The following LSS variants were observed in gnomAD, a reference collection of about 807,000 sequenced individuals.
LSS encodes lanosterol synthase.
In LSS, 90 loss-of-function variants were observed where a neutral mutation model predicts 110.3. The ratio of observed to expected loss-of-function variants is 0.82; its 90% CI spans 0.69 to 0.97. LSS has a LOEUF of 0.97. Among genes scored for constraint, LSS ranks in the 50% least tolerant of loss-of-function variants. The pLI, the probability that LSS is intolerant of heterozygous loss-of-function variation, is 0.00. For synonymous variants in LSS, 433 were observed against 400.0 expected (o/e 1.08, Z -0.98); for missense variants, 927 against 990.0 (o/e 0.94, Z 0.85).
intron 17 of LSS, among the ~76,000 whole-genome samples, chr21:46,196,614 TAGAG>T (rs1291332281): frequency 6.6e-6 from 1 of 151,942 alleles, no homozygotes; most frequent in African/African-American, 2.4e-5. Context: ...AAAAATCAAT[TAGAG>T]AGAAAACAAT....
At chr21:46,205,037 C>T (rs1569023867) in intron 17 of LSS, among the ~76,000 whole-genome samples, 1 of 152,158 alleles carries the variant, frequency 6.6e-6, no homozygotes, top group African/African-American at 2.4e-5. Flanking sequence ...GAAGAACCTA[C>T]AAAAATCACA....
intron 10 of LSS, among the ~76,000 whole-genome samples, chr21:46,213,504 C>A (rs185704773): frequency 6.6e-6 from 1 of 152,196 alleles, no homozygotes; most frequent in African/African-American, 2.4e-5. Flanking sequence ...CTACCTACCA[C>A]CCCCTTCCTC....
intron 20 of LSS, 74 bp downstream of exon 20, chr21:46,194,417 A>G: frequency 1.3e-6 from 2 of 1,566,412 alleles, no homozygotes; most frequent in South Asian, 2.2e-5. Context: ...CACTCAGCCC[A>G]GGCCACCGGC....
At chr21:46,197,193 A>G (rs528116505) in intron 17 of LSS, among the ~76,000 whole-genome samples, 1 of 152,284 alleles carries the variant, frequency 6.6e-6, no homozygotes, top group Non-Finnish European at 1.5e-5. Context: ...CAAATTAGTA[A>G]TATTAGCAAT....
rs1325552927 is a variant in LSS, at chr21:46,188,952, A to T, written c.*2152T>A. On this transcript the variant is annotated 3_prime_UTR_variant, in exon 22 of 22. Transcript: ENST00000397728. ...ATAGGCTATGCTATTATCTCTTAAA[A>T]TATCTGTTTTCCCTCAGGTAACTGG... 2.7e-6 allele frequency: 1 copy of T among 366,116 alleles called. No individual in the cohort carries two copies. The highest frequency in any genetic ancestry group is 3.7e-5 in the Admixed American group (1 of 27,166). The allele number at this position is 366,116 out of a possible 1,614,324, so 22.7% of individuals were successfully genotyped here.
rs1209245659 is a variant in LSS, at chr21:46,216,422, G to A, written c.750C>T (p.Ala250=). 16 of 1,613,718 alleles carry A rather than the reference G, an allele frequency of 9.9e-6. No individual in the cohort carries two copies. Among genetic ancestry groups the A allele is most frequent in the Middle Eastern group, 1.6e-4 (1 of 6,078 alleles). The part of the protein sequence containing the change: ...MSYCYAVRLS[A]AEDPLVQSLR... ...GGCTCTGGACCAGCGGGTCTTCCGC[G>A]GCACTCAGCCGAACGGCGTAGCAGT... Residue 250 remains alanine, a synonymous_variant, in exon 7 of 22, where the codon GCC becomes GCT. Transcript: ENST00000397728. The surrounding 1 kb of genome is among the most constrained non-coding windows in gnomAD (Gnocchi z 4.2).
Position 46,188,651 on chromosome 21 carries a change from C to T in LSS, c.*2453G>A, listed in dbSNP as rs540483256. ...CTCTGCATTGTGATCCAATTGTGAACAAAAAGTCCTCTTCGTGGAACAGGA... is the reference window on the plus strand; with the variant it reads ...CTCTGCATTGTGATCCAATTGTGAATAAAAAGTCCTCTTCGTGGAACAGGA... On this transcript the variant is annotated 3_prime_UTR_variant, in exon 22 of 22. Transcript: ENST00000397728. 12 of 470,458 alleles carry T rather than the reference C, an allele frequency of 2.6e-5. No individual in the cohort carries two copies. The highest frequency in any genetic ancestry group is 1.7e-4 in the South Asian group (11 of 64,516). The allele number at this position is 470,458 out of a possible 1,614,324, so 29.1% of individuals were successfully genotyped here. A position where few individuals can be genotyped will look rare whatever the true frequency, so the allele number is the denominator to read the frequency against.
chr21:46,219,027 A>G (rs2080241505), intron 6 of LSS, among the ~76,000 whole-genome samples: 2 of 152,192 alleles, frequency 1.3e-5, no homozygotes, highest in South Asian at 4.1e-4. Flanking sequence ...ACCTGGCCAC[A>G]GACACTGATC....
Position 46,206,658 on chromosome 21 carries a change from G to A in LSS, c.1564+14C>T. ...CCCCGGGTTTGCGCGCCGCAGTGCT[G>A]GCCGACCACTCACCGAAGACCTCCG... On this transcript the variant is annotated intron_variant, in intron 16 of 21. Coordinates refer to ENST00000397728, the MANE Select transcript of LSS (RefSeq NM_002340.6). 2 of 1,608,264 alleles carry A rather than the reference G, an allele frequency of 1.2e-6. No individual in the cohort carries two copies. Among genetic ancestry groups the A allele is most frequent in the Non-Finnish European group, 1.7e-6 (2 of 1,177,766 alleles).
rs140624314 is a variant in LSS, at chr21:46,215,739, C to T, written c.838G>A (p.Val280Met). The T allele has an allele frequency of 2.2e-5, 36 of 1,612,862 alleles. No homozygotes were observed. Among genetic ancestry groups the T allele is most frequent in the African/African-American group, 5.3e-5 (4 of 74,990 alleles). Residue 280 changes from valine (V) to methionine (M), a missense_variant, in exon 8 of 22, where the codon GTG becomes ATG. Val to Met is a conservative substitution (Grantham distance 21, BLOSUM62 1). Coordinates refer to ENST00000397728, the MANE Select transcript of LSS (RefSeq NM_002340.6). ...GGCGTGTACAGCTCGTCGGGGGCCA[C>T]GTTGTTCCTCTGCGCCAGCCAGTCA... Reference protein sequence around the residue: ...SIDWLAQRNNVAPDELYTPHS... With the variant: ...SIDWLAQRNNMAPDELYTPHS...
intron 7 of LSS, 119 bp from the exon 8 acceptor site, chr21:46,215,912 T>C: frequency 1.5e-6 from 1 of 657,124 alleles, no homozygotes; most frequent in South Asian, 2.0e-5. Context: ...CCTTCCTGGG[T>C]GGGGGTCCCT....
At chr21:46,210,315 C>T (rs1389733599) in intron 12 of LSS, among the ~76,000 whole-genome samples, 1 of 152,050 alleles carries the variant, frequency 6.6e-6, no homozygotes, top group African/African-American at 2.4e-5. Flanking sequence ...ATCCACCCTC[C>T]TCGGCCTCCC....
At chr21:46,210,645 A>AG in intron 12 of LSS, 43 bp downstream of exon 12, 1 of 1,604,450 alleles carries the variant, frequency 6.2e-7, no homozygotes, top group African/African-American at 1.3e-5. Flanking sequence ...TCACGTGCAC[A>AG]GGAAGGTCAG....
rs16978977 is a variant in LSS at position 46,206,845 on chromosome 21, C to A, written c.1468-77G>T. The A allele has an allele frequency of 0.013, 13,729 of 1,049,820 alleles. 963 individuals carry two copies. In the African/African-American group the frequency reaches 0.17, roughly 13 times the overall value. The allele number at this position is 1,049,820 out of a possible 1,614,324, so 65.0% of individuals were successfully genotyped here. ...GGCGCCCAGGGCACAGCGGAACTCTCTAGAGGCAACACTAGGGCTGACAAC... is the reference window on the plus strand; with the variant it reads ...GGCGCCCAGGGCACAGCGGAACTCTATAGAGGCAACACTAGGGCTGACAAC... On this transcript the variant is annotated intron_variant, in intron 15 of 21. Coordinates refer to ENST00000397728, the MANE Select transcript of LSS (RefSeq NM_002340.6).
At chr21:46,206,258 T>C (rs2080047413) in intron 16 of LSS, among the ~76,000 whole-genome samples, 1 of 152,140 alleles carries the variant, frequency 6.6e-6, no homozygotes, top group South Asian at 2.1e-4. Flanking sequence ...CCAAGACCAG[T>C]ACGGTGGCAA....
intron 11 of LSS, among the ~76,000 whole-genome samples, chr21:46,211,057 C>T (rs2080124005): frequency 6.6e-6 from 1 of 152,232 alleles, no homozygotes; most frequent in Admixed American, 6.5e-5. Flanking sequence ...AGCACCTACA[C>T]ATAGAGCATC....
intron 20 of LSS, 57 bp downstream of exon 20, chr21:46,194,434 C>T: frequency 6.3e-7 from 1 of 1,599,330 alleles, no homozygotes; most frequent in South Asian, 1.1e-5. Flanking sequence ...CGGCTCACAG[C>T]TGAGTGTCCC....
rs2079773241 is a variant in LSS at position 46,189,436 on chromosome 21, G to A, written c.*1668C>T. 3.1e-6 allele frequency: 1 copy of A among 325,986 alleles called. No individual in the cohort carries two copies. The highest frequency in any genetic ancestry group is 2.2e-5 in the African/African-American group (1 of 45,398). The allele number at this position is 325,986 out of a possible 1,614,324, so 20.2% of individuals were successfully genotyped here. On this transcript the variant is annotated 3_prime_UTR_variant, in exon 22 of 22. Coordinates refer to ENST00000397728, the MANE Select transcript of LSS (RefSeq NM_002340.6). ...CAGCGAAAATAAAGCCCAGTTTTAA[G>A]ATGTGCAGGGAAGTGTTGACACTGA...
intron 17 of LSS, among the ~76,000 whole-genome samples, chr21:46,200,406 TTC>T (rs2079964294): frequency 1.3e-5 from 2 of 152,104 alleles, no homozygotes; most frequent in Admixed American, 6.5e-5. Flanking sequence ...AAAAAGCAAC[TTC>T]ATAGCGGAGA....
Sources: gnomAD v4.1 joint callset for allele counts (sites outside exome capture counted in the v4.1 genomes callset) on GRCh38, gnomAD v4.1.1 for gene constraint, Gnocchi (gnomAD v3.1) non-coding constraint, MANE v1.5 for transcripts, NCBI Gene and HGNC (gene_info 2026-07-23, HGNC 2026-07-21) for gene names.